The following ERVK3-1 variants were observed in gnomAD, a reference collection of about 807,000 sequenced individuals.
ERVK3-1 encodes the protein HERV-K(HML6-1).
chr19:58,307,766 T>G (rs1291152582), intron 2 of ERVK3-1, among the ~76,000 whole-genome samples: 2 of 152,154 alleles, frequency 1.3e-5, no homozygotes, highest in Non-Finnish European at 2.9e-5. Flanking sequence ...GAATGGGGCC[T>G]GGGCCCCTCA....
intron 3 of ERVK3-1, 113 bp from the exon 4 acceptor site, chr19:58,314,626 CAAAAAAAAA>C (rs58275693): frequency 7.3e-4 from 43 of 58,982 alleles, no homozygotes; most frequent in Middle Eastern, 5.3e-3. Flanking sequence ...GACTCCATCT[CAAAAAAAAA>C]AAAAAAAAAA....
intron 2 of ERVK3-1, among the ~76,000 whole-genome samples, chr19:58,307,141 C>T (rs1329385032): frequency 6.6e-6 from 1 of 152,240 alleles, no homozygotes; most frequent in Non-Finnish European, 1.5e-5. Context: ...TGCTTACCAT[C>T]AGTGCGCCTG....
intron 2 of ERVK3-1, among the ~76,000 whole-genome samples, chr19:58,308,731 G>A (rs1161261671): frequency 6.6e-6 from 1 of 152,148 alleles, no homozygotes; most frequent in Non-Finnish European, 1.5e-5. Flanking sequence ...TAGAGTGGCT[G>A]ACTGATAAAC....
rs912952992 is a variant in ERVK3-1 at position 58,313,714 on chromosome 19, AAC to A, written c.295-1028_295-1027del. Among the ~76,000 whole-genome samples the A allele has an allele frequency of 2.0e-5, 3 of 152,316 alleles. No individual in the cohort carries two copies. The highest frequency in any genetic ancestry group is 7.2e-5 in the African/African-American group (3 of 41,562). On this transcript the variant is annotated intron_variant, in intron 3 of 3. Coordinates refer to ENST00000413518, the Ensembl canonical transcript of ERVK3-1. The surrounding 1 kb of genome is among the most constrained non-coding windows in gnomAD (Gnocchi z 4.5). The stretch of plus-strand genomic sequence containing the variant: ...ACTGCCTCAATCATAGCACAATACA[AAC>A]ACACAACATATCCACTCTAATAATT...
chr19:58,307,607 G>GCCC (rs1394614577), intron 2 of ERVK3-1, among the ~76,000 whole-genome samples: 7 of 138,114 alleles, frequency 5.1e-5, no homozygotes, highest in East Asian at 2.0e-4. Flanking sequence ...ATGCAATACC[G>GCCC]CCCCCCCCTC....
exon 4 of ERVK3-1, chr19:58,314,848 G>C (rs550505693): frequency 4.0e-5 from 16 of 399,674 alleles, no homozygotes; most frequent in Non-Finnish European, 6.6e-5. Context: ...GATGTTGGAG[G>C]CCGAAGGAAT....
chr19:58,315,314 G>C (rs2051585084), exon 4 of ERVK3-1: 1 of 152,192 alleles, frequency 6.6e-6, no homozygotes, highest in African/African-American at 2.4e-5. Context: ...GTGACCTCAG[G>C]TGTGTGAGTA....
At position 58,310,280 on chromosome 19, in the gene ERVK3-1, C is replaced by T. The variant is rs887411598; in HGVS notation, c.-3-1886C>T. The T allele has an allele frequency of 6.5e-6, 1 of 153,066 alleles. No individual in the cohort carries two copies. Among genetic ancestry groups the T allele is most frequent in the African/African-American group, 2.4e-5 (1 of 41,412 alleles). The allele number at this position is 153,066 out of a possible 1,614,324, so 9.5% of individuals were successfully genotyped here. ...AGTGTACGGACCAGCCCCACAGGGTCGGTGGGTCTCTCCCTGTGTGCGGCG... is the reference window on the plus strand; with the variant it reads ...AGTGTACGGACCAGCCCCACAGGGTTGGTGGGTCTCTCCCTGTGTGCGGCG... On this transcript the variant is annotated intron_variant, in intron 2 of 3. Transcript: ENST00000413518. The surrounding 1 kb of genome is among the most constrained non-coding windows in gnomAD (Gnocchi z 4.7).
At position 58,310,006 on chromosome 19, in the gene ERVK3-1, A is replaced by G. The variant is rs1196594693; in HGVS notation, c.-3-2160A>G. On this transcript the variant is annotated intron_variant, in intron 2 of 3. Coordinates refer to ENST00000413518, the Ensembl canonical transcript of ERVK3-1. The surrounding 1 kb of genome is among the most constrained non-coding windows in gnomAD (Gnocchi z 4.7). ...AATTCACCCTTTTATTCCCCCTGTG[A>G]TTGCTCATCACAAACCCATTTCAGG... is the stretch of plus-strand genomic sequence containing the variant. 10 of 152,150 alleles carry G rather than the reference A, an allele frequency of 6.6e-5. No individual in the cohort carries two copies. Among genetic ancestry groups the G allele is most frequent in the African/African-American group, 1.9e-4 (8 of 41,432 alleles). The allele number at this position is 152,150 out of a possible 1,614,324, so 9.4% of individuals were successfully genotyped here.
At chr19:58,314,231 G>A (rs578255210) in intron 3 of ERVK3-1, among the ~76,000 whole-genome samples, 5 of 152,244 alleles carry the variant, frequency 3.3e-5, no homozygotes, top group African/African-American at 1.2e-4. Context: ...TATTACTTTT[G>A]ATATCAGTAA....
chr19:58,312,048 C>T lies in ERVK3-1; in HGVS notation c.-3-118C>T, dbSNP rs181062586. The T allele has an allele frequency of 9.7e-4, 387 of 397,676 alleles. 1 individual carries two copies. Among genetic ancestry groups the T allele is most frequent in the African/African-American group, 7.1e-3 (344 of 48,710 alleles). 24.6% of individuals were successfully genotyped at this position (397,676 alleles called of 1,614,324 possible). A position where few individuals can be genotyped will look rare whatever the true frequency, so the allele number is the denominator to read the frequency against. ...CCCAGCAGAACGACACTGGCAACTG[C>T]TAGAGGAAAAGAGGCAAGTTTATCC... is the stretch of plus-strand genomic sequence containing the variant. On this transcript the variant is annotated intron_variant, in intron 2 of 3. Coordinates refer to ENST00000413518, the Ensembl canonical transcript of ERVK3-1. The surrounding 1 kb of genome is among the most constrained non-coding windows in gnomAD (Gnocchi z 4.7).
chr19:58,307,865 C>T (rs1214782022), intron 2 of ERVK3-1, among the ~76,000 whole-genome samples: 1 of 152,166 alleles, frequency 6.6e-6, no homozygotes, highest in Non-Finnish European at 1.5e-5. Flanking sequence ...TCTGGAACAC[C>T]GGGGAGTGCA....
chr19:58,310,777 C>G lies in ERVK3-1; in HGVS notation c.-3-1389C>G, dbSNP rs2051551617. 2 of 281,086 alleles carry G rather than the reference C, an allele frequency of 7.1e-6. No individual in the cohort carries two copies. The highest frequency in any genetic ancestry group is 1.5e-5 in the Non-Finnish European group (2 of 136,520). The allele number at this position is 281,086 out of a possible 1,614,324, so 17.4% of individuals were successfully genotyped here. On this transcript the variant is annotated intron_variant, in intron 2 of 3. Coordinates refer to ENST00000413518, the Ensembl canonical transcript of ERVK3-1. This position sits in a 1 kb window ranked among gnomAD's most constrained non-coding sequence, Gnocchi z 4.7. The stretch of plus-strand genomic sequence containing the variant: ...AGCCTGACTAATGTCAGGCCCTCCA[C>G]AAGAGGTGGAGGAGCAGAGTCTTCT...
chr19:58,316,036 G>C (rs990352392), downstream of ERVK3-1, among the ~76,000 whole-genome samples: 3 of 151,800 alleles, frequency 2.0e-5, no homozygotes, highest in Admixed American at 6.6e-5. Flanking sequence ...TGGAGACAGA[G>C]AGAGGGTGAG....
At chr19:58,314,980 G>C (rs986057258) in exon 4 of ERVK3-1, 2 of 389,000 alleles carry the variant, frequency 5.1e-6, no homozygotes, top group African/African-American at 4.1e-5. Flanking sequence ...GAATGCTGGG[G>C]GCAGTCATGT....
chr19:58,309,022 GT>G (rs1365233350), intron 2 of ERVK3-1: 1 of 152,128 alleles, frequency 6.6e-6, no homozygotes, highest in Admixed American at 6.5e-5. Flanking sequence ...CTTAAAGACT[GT>G]TTTTTCACTA....
chr19:58,305,897 C>A (rs2051519518), intron 1 of ERVK3-1, among the ~76,000 whole-genome samples, 191 bp from the exon 2 acceptor site: 1 of 152,128 alleles, frequency 6.6e-6, no homozygotes, highest in African/African-American at 2.4e-5. Flanking sequence ...GTCATGTGGG[C>A]CTGTGTTAAA....
At chr19:58,314,976 TG>T (rs2051581926) in exon 4 of ERVK3-1, 1 of 389,782 alleles carries the variant, frequency 2.6e-6, no homozygotes, top group African/African-American at 2.1e-5. Context: ...GAAGGAATGC[TG>T]GGGGCAGTCA....
At position 58,312,948 on chromosome 19, in the gene ERVK3-1, A is replaced by T. The variant is rs534644688; in HGVS notation, c.294+486A>T. On this transcript the variant is annotated intron_variant, in intron 3 of 3. Transcript: ENST00000413518. This position sits in a 1 kb window ranked among gnomAD's most constrained non-coding sequence, Gnocchi z 4.7. ...GACTGGGGTCCCCGTGGCCATTTAG[A>T]GGGGAGAGATGAAAATCAGACCTCT... 5.9e-5 allele frequency: 9 copies of T among 152,456 alleles called. No individual in the cohort carries two copies. The highest frequency in any genetic ancestry group is 2.2e-4 in the African/African-American group (9 of 41,572). The allele number at this position is 152,456 out of a possible 1,614,324, so 9.4% of individuals were successfully genotyped here. A position where few individuals can be genotyped will look rare whatever the true frequency, so the allele number is the denominator to read the frequency against.
Sources: gnomAD v4.1 joint callset for allele counts (sites outside exome capture counted in the v4.1 genomes callset) on GRCh38, gnomAD v4.1.1 for gene constraint, Gnocchi (gnomAD v3.1) non-coding constraint, MANE v1.5 for transcripts, NCBI Gene and HGNC (gene_info 2026-07-23, HGNC 2026-07-21) for gene names.